Variants in CCDC85A observed in about 807,000 individuals in gnomAD.
The protein encoded by CCDC85A is coiled-coil domain-containing protein 85A.
A neutral mutation model predicts 50.2 loss-of-function variants in CCDC85A; 38 were observed. The observed-to-expected ratio is 0.76, with a 90% CI of 0.58 to 0.99. The LOEUF is 0.99. CCDC85A is among the 50% of genes least tolerant of loss of function. The probability of loss-of-function intolerance (pLI) is 0.00; values close to 1 mark genes in which losing one functional copy is unlikely to be tolerated. For missense variants in CCDC85A, 820 were observed against 742.0 expected, an observed-to-expected ratio of 1.11 and a Z score of -1.22; for synonymous variants, 366 against 301.4, an observed-to-expected ratio of 1.21 and a Z score of -2.22.
chr2:56,378,812 C>T (rs1676455239), intron 5 of CCDC85A, among the ~76,000 whole-genome samples: 1 of 152,120 alleles, frequency 6.6e-6, no homozygotes, highest in Non-Finnish European at 1.5e-5. Context: ...CAGCATTGTC[C>T]GTGATGACAG....
At chr2:56,229,594 G>C (rs1668692405) in intron 2 of CCDC85A, among the ~76,000 whole-genome samples, 1 of 152,126 alleles carries the variant, frequency 6.6e-6, no homozygotes. Context: ...AGAAAAAGGA[G>C]AGGCATGCTT....
chr2:56,280,481 G>C (rs1383798634), intron 2 of CCDC85A, among the ~76,000 whole-genome samples: 1 of 152,078 alleles, frequency 6.6e-6, no homozygotes, highest in Non-Finnish European at 1.5e-5. Flanking sequence ...ATAATTGCTT[G>C]ACCGTCCATA....
At chr2:56,376,814 T>C (rs929347944) in intron 5 of CCDC85A, among the ~76,000 whole-genome samples, 7 of 152,190 alleles carry the variant, frequency 4.6e-5, no homozygotes, top group African/African-American at 7.2e-5. Flanking sequence ...TTCTGACCCA[T>C]AAAACAGGTA....
At chr2:56,285,658 C>G (rs1241178611) in intron 2 of CCDC85A, among the ~76,000 whole-genome samples, 2 of 150,024 alleles carry the variant, frequency 1.3e-5, no homozygotes, top group Non-Finnish European at 3.0e-5. Context: ...ACTCCCCTGG[C>G]TTTTGTGTTA....
At chr2:56,208,130 A>G (rs979455505) in intron 2 of CCDC85A, among the ~76,000 whole-genome samples, 1 of 152,142 alleles carries the variant, frequency 6.6e-6, no homozygotes, top group African/African-American at 2.4e-5. Context: ...ACCAAATTTC[A>G]TTAGCCCAGA....
chr2:56,317,151 A>G (rs544501861), intron 2 of CCDC85A, among the ~76,000 whole-genome samples: 1 of 152,256 alleles, frequency 6.6e-6, no homozygotes, highest in African/African-American at 2.4e-5. Context: ...TCTCATAGCC[A>G]AGTCAATTCA....
intron 2 of CCDC85A, among the ~76,000 whole-genome samples, chr2:56,291,020 T>C (rs1196956603): frequency 4.6e-5 from 7 of 152,212 alleles, no homozygotes. Context: ...GTAACTCTTT[T>C]GGGGGATTAT....
intron 2 of CCDC85A, among the ~76,000 whole-genome samples, chr2:56,296,890 T>C (rs1671974831): frequency 6.6e-6 from 1 of 152,198 alleles, no homozygotes; most frequent in South Asian, 2.1e-4. Flanking sequence ...TCATTCCATG[T>C]ACTAAAATAG....
chr2:56,370,949 T>G (rs1195390141), intron 3 of CCDC85A, among the ~76,000 whole-genome samples: 1 of 152,170 alleles, frequency 6.6e-6, no homozygotes, highest in Non-Finnish European at 1.5e-5. Context: ...TTTGCATTAC[T>G]CATTAATGAT....
At chr2:56,263,517 T>C (rs543835393) in intron 2 of CCDC85A, among the ~76,000 whole-genome samples, 22 of 152,278 alleles carry the variant, frequency 1.4e-4, no homozygotes, top group African/African-American at 5.1e-4. Context: ...TTTCCAAGAA[T>C]GGCCTCCTCA....
rs766118772 is a variant in CCDC85A, at chr2:56,193,184, C to G, written c.984C>G (p.His328Gln). Residue 328 changes from histidine to glutamine, a missense_variant, in exon 2 of 6, where the codon CAC becomes CAG. Coordinates refer to ENST00000407595, the MANE Select transcript of CCDC85A (RefSeq NM_001080433.2). ...ACCGGTCAGGGAGCAGCCCTGAACACGCCAGGCACAGTGGAGGGAGCCCGG... is the reference window on the plus strand; with the variant it reads ...ACCGGTCAGGGAGCAGCCCTGAACAGGCCAGGCACAGTGGAGGGAGCCCGG... Reference protein sequence around the residue: ...QKHRSGSSPEHARHSGGSPEH... With the variant: ...QKHRSGSSPEQARHSGGSPEH... 2 of 1,613,120 alleles carry G rather than the reference C, an allele frequency of 1.2e-6. No individual in the cohort carries two copies. The highest frequency in any genetic ancestry group is 2.2e-5 in the East Asian group (1 of 44,834).
At chr2:56,271,018 C>T (rs1175745624) in intron 2 of CCDC85A, among the ~76,000 whole-genome samples, 1 of 152,148 alleles carries the variant, frequency 6.6e-6, no homozygotes, top group Non-Finnish European at 1.5e-5. Context: ...TTTTCTAGAT[C>T]AGGGAAATAG....
rs1373724805 is a variant in CCDC85A, at chr2:56,385,892, A to C, written c.*1537A>C. ...AAATGTTATATTTTAAAATGTTATT[A>C]CTCTATAAAAGAAAATTGCTTGCTA... On this transcript the variant is annotated 3_prime_UTR_variant, in exon 6 of 6. Transcript: ENST00000407595. 6.6e-6 allele frequency: 1 copy of C among 151,812 alleles called. No individual in the cohort carries two copies. Among genetic ancestry groups the C allele is most frequent in the African/African-American group, 2.4e-5 (1 of 41,334 alleles). The allele number at this position is 151,812 out of a possible 1,614,324, so 9.4% of individuals were successfully genotyped here. A position where few individuals can be genotyped will look rare whatever the true frequency, so the allele number is the denominator to read the frequency against.
At chr2:56,375,790 A>G (rs1217187045) in intron 4 of CCDC85A, 26 bp from the exon 5 acceptor site, 2 of 1,610,844 alleles carry the variant, frequency 1.2e-6, no homozygotes, top group Non-Finnish European at 1.7e-6. Flanking sequence ...TTGTTTTAAT[A>G]ACAAAGTTGT....
intron 2 of CCDC85A, among the ~76,000 whole-genome samples, chr2:56,338,042 C>G (rs1305523942): frequency 6.6e-6 from 1 of 152,146 alleles, no homozygotes; most frequent in African/African-American, 2.4e-5. Context: ...CTCAGCCTCC[C>G]AAAGTGCTGG....
At chr2:56,252,098 G>T (rs749498813) in intron 2 of CCDC85A, among the ~76,000 whole-genome samples, 22 of 150,642 alleles carry the variant, frequency 1.5e-4, no homozygotes, top group Non-Finnish European at 2.4e-4. Context: ...CGGGGTTGGA[G>T]TGCAATGGCT....
chr2:56,201,569 T>C (rs1676750290), intron 2 of CCDC85A, among the ~76,000 whole-genome samples: 1 of 152,342 alleles, frequency 6.6e-6, no homozygotes. Flanking sequence ...TATGTAGCTA[T>C]AACTTCCTAA....
At position 56,329,943 on chromosome 2, in the gene CCDC85A, CTGTTTT is replaced by C. The variant is rs1180268611; in HGVS notation, c.1241-12934_1241-12929del. On this transcript the variant is annotated intron_variant, in intron 2 of 5. Transcript: ENST00000407595. ...TGAAAATTTGTTTTTTACAGATTTC[CTGTTTT>C]TTTTTTTTTTTTTTTTTTTTTTTTT... 4.4e-4 allele frequency among the ~76,000 whole-genome samples: 10 copies of C among 22,894 alleles called. 1 individual carries two copies. The East Asian group carries it at 0.011, about 24-fold the overall frequency. 15.0% of individuals were successfully genotyped at this position (22,894 alleles called of 152,430 possible).
chr2:56,333,393 A>G (rs56832643), intron 2 of CCDC85A, among the ~76,000 whole-genome samples: 20,328 of 152,216 alleles, frequency 0.13, 1,506 homozygotes, highest in East Asian at 0.31. Flanking sequence ...GGTGTTCAGG[A>G]ACAGAAAGGA....
Sources: allele counts gnomAD v4.1 joint callset (sites outside exome capture counted in the v4.1 genomes callset), GRCh38; gene constraint gnomAD v4.1.1; transcripts MANE v1.5; gene names NCBI Gene and HGNC (gene_info 2026-07-23, HGNC 2026-07-21).